CUBN: variants seen among roughly 807,000 people sequenced by gnomAD.
CUBN encodes the protein cubilin.
A neutral mutation model predicts 405.3 loss-of-function variants in CUBN; 282 were observed. That is an observed-to-expected ratio of 0.70 (90% CI 0.63 to 0.77). The LOEUF is 0.77. CUBN is among the 30% of genes least tolerant of loss of function. CUBN has a pLI of 0.00. For missense variants in CUBN, 4,514 were observed against 4,475.2 expected, an observed-to-expected ratio of 1.01 and a Z score of -0.25; for synonymous variants, 1,684 against 1,617.0, an observed-to-expected ratio of 1.04 and a Z score of -0.99.
At chr10:16,946,687 G>A (rs1215336052) in intron 36 of CUBN, among the ~76,000 whole-genome samples, 1 of 151,758 alleles carries the variant, frequency 6.6e-6, no homozygotes, top group Non-Finnish European at 1.5e-5. Context: ...GTAGAGACGG[G>A]GTTTCGTCAT....
chr10:16,992,830 T>G (rs1425709489), intron 28 of CUBN, among the ~76,000 whole-genome samples: 1 of 152,192 alleles, frequency 6.6e-6, no homozygotes, highest in Non-Finnish European at 1.5e-5. Context: ...TGTTTAAAAT[T>G]AGATGTGCTG....
At chr10:16,950,207 T>C (rs1471237554) in intron 33 of CUBN, 96 bp from the exon 34 acceptor site, 6 of 790,230 alleles carry the variant, frequency 7.6e-6, no homozygotes, top group African/African-American at 1.7e-5. Flanking sequence ...GGTTAATGAC[T>C]ATAAAAAATA....
At chr10:16,833,026 C>A (rs1460731311) in intron 64 of CUBN, among the ~76,000 whole-genome samples, 13 of 152,136 alleles carry the variant, frequency 8.5e-5, no homozygotes, top group African/African-American at 3.1e-4. Flanking sequence ...TAATGAAGGA[C>A]AGCTAGGAGG....
intron 19 of CUBN, among the ~76,000 whole-genome samples, chr10:17,069,454 G>T (rs982660953): frequency 1.8e-5 from 1 of 55,940 alleles, no homozygotes; most frequent in Non-Finnish European, 6.9e-5. Context: ...CACCAGGAGT[G>T]TATAAAGGTT....
At chr10:16,928,969 T>C (rs1410669830) in intron 40 of CUBN, among the ~76,000 whole-genome samples, 2 of 148,090 alleles carry the variant, frequency 1.4e-5, no homozygotes, top group Non-Finnish European at 3.0e-5. Flanking sequence ...TGACCTCAGT[T>C]ACTCTGATTG....
At chr10:17,087,381 C>A (rs1195672252) in intron 15 of CUBN, among the ~76,000 whole-genome samples, 3 of 151,482 alleles carry the variant, frequency 2.0e-5, no homozygotes, top group Non-Finnish European at 4.4e-5. Flanking sequence ...GCAGAAGGAG[C>A]TTCGGCTGAT....
intron 22 of CUBN, among the ~76,000 whole-genome samples, chr10:17,060,023 T>G (rs972135102): frequency 3.3e-5 from 5 of 152,214 alleles, no homozygotes; most frequent in African/African-American, 1.2e-4. Flanking sequence ...GAGATTAAAT[T>G]CTAAAAGACA....
At position 16,916,043 on chromosome 10, in the gene CUBN, A is replaced by AAAAT. The variant is rs780281988; in HGVS notation, c.7001-17_7001-14dup. On this transcript the variant is annotated splice_polypyrimidine_tract_variant and intron_variant, in intron 45 of 66. Transcript: ENST00000377833. The stretch of plus-strand genomic sequence containing the variant: ...CCCCCACACTGAGCTGCAAAAAATA[A>AAAAT]AAATAAATAAATAAATAAGAAAGCA... 8.7e-6 allele frequency: 14 copies of AAAAT among 1,607,494 alleles called. No individual in the cohort carries two copies. Among genetic ancestry groups the AAAAT allele is most frequent in the Middle Eastern group, 1.7e-4 (1 of 6,060 alleles).
At chr10:17,111,470 G>C (rs568020977) in intron 8 of CUBN, among the ~76,000 whole-genome samples, 27 of 152,158 alleles carry the variant, frequency 1.8e-4, no homozygotes, top group Admixed American at 8.5e-4. Flanking sequence ...CTGTTTAATA[G>C]GGAAAAAACC....
At chr10:17,019,610 C>T (rs1485736054) in intron 28 of CUBN, among the ~76,000 whole-genome samples, 1 of 152,160 alleles carries the variant, frequency 6.6e-6, no homozygotes, top group East Asian at 1.9e-4. Context: ...CTACAATTAA[C>T]CAAATTCTTT....
At position 17,047,602 on chromosome 10, in the gene CUBN, T is replaced by C. The variant is rs1316455908; in HGVS notation, c.3141A>G (p.Ala1047=). 1.9e-6 allele frequency: 3 copies of C among 1,613,658 alleles called. No homozygotes were observed. The highest frequency in any genetic ancestry group is 2.5e-6 in the Non-Finnish European group (3 of 1,179,578). The change falls in exon 23 of 67, where the codon GCA becomes GCG. Residue 1047 remains alanine (A), a splice_region_variant and synonymous_variant. Coordinates refer to ENST00000377833, the MANE Select transcript of CUBN (RefSeq NM_001081.4). ...INYEAISAAT[A]CLQDYTDDLG... ...AATCATCTGTGTAGTCTTGCAAACA[T>C]GCTGTGAACAGAAACAGACCATAAG... is the stretch of plus-strand genomic sequence containing the variant.
At chr10:16,959,173 G>A (rs1843152405) in intron 31 of CUBN, among the ~76,000 whole-genome samples, 2 of 152,060 alleles carry the variant, frequency 1.3e-5, no homozygotes, top group Non-Finnish European at 2.9e-5. Flanking sequence ...AACTTGGAGG[G>A]GACACATTCA....
intron 10 of CUBN, among the ~76,000 whole-genome samples, chr10:17,105,944 T>C (rs910206305): frequency 1.3e-5 from 2 of 152,120 alleles, no homozygotes; most frequent in South Asian, 2.1e-4. Context: ...GATGAAACTA[T>C]CTGTTGCAAG....
At chr10:17,126,929 CT>C in intron 3 of CUBN, 130 bp from the exon 4 acceptor site, 1 of 891,902 alleles carries the variant, frequency 1.1e-6, no homozygotes, top group South Asian at 1.4e-5. Context: ...CTTTTATTCC[CT>C]TTTTCCTCTT....
intron 8 of CUBN, among the ~76,000 whole-genome samples, chr10:17,112,476 C>A (rs1421022071): frequency 1.3e-5 from 2 of 151,980 alleles, no homozygotes; most frequent in Non-Finnish European, 2.9e-5. Flanking sequence ...AAAATTGTTT[C>A]TCTTTTTCCT....
intron 28 of CUBN, among the ~76,000 whole-genome samples, chr10:16,997,996 T>G (rs549129329): frequency 1.3e-5 from 2 of 151,458 alleles, no homozygotes; most frequent in African/African-American, 4.8e-5. Context: ...CAAACTGGAG[T>G]GATCACGAGA....
chr10:16,920,095 C>T lies in CUBN; in HGVS notation c.6689G>A (p.Gly2230Glu). 6.2e-7 allele frequency: 1 copy of T among 1,613,894 alleles called. No homozygotes were observed. The highest frequency in any genetic ancestry group is 8.5e-7 in the Non-Finnish European group (1 of 1,179,942). ...AGGGTGGTTGGGGGAGGTCACATAC[C>T]CAGCAGAATCAGCATCATGGATGTA... ...NVYIHDADSA[G>E]YVTSPNHPHN... is the part of the protein sequence containing the mutation. The change falls in exon 44 of 67, where the codon GGG (glycine) becomes GAG (glutamate). Residue 2230 changes from glycine to glutamate, a missense_variant. Gly to Glu is a moderately conservative substitution (Grantham distance 98). Transcript: ENST00000377833.
intron 17 of CUBN, among the ~76,000 whole-genome samples, chr10:17,083,913 G>A (rs1272142373): frequency 3.3e-5 from 5 of 152,028 alleles, no homozygotes; most frequent in African/African-American, 1.2e-4. Context: ...ATTTCTGGAG[G>A]AGAGCAAGCA....
chr10:17,014,352 AG>A (rs1205418432), intron 28 of CUBN, among the ~76,000 whole-genome samples: 2 of 152,136 alleles, frequency 1.3e-5, no homozygotes, highest in Admixed American at 6.6e-5. Context: ...AAGGTTTTGA[AG>A]GCTGTTTCTG....
Sources: allele counts gnomAD v4.1 joint callset (sites outside exome capture counted in the v4.1 genomes callset), GRCh38; gene constraint gnomAD v4.1.1; transcripts MANE v1.5; gene names NCBI Gene and HGNC (gene_info 2026-07-23, HGNC 2026-07-21).